The following SYK variants were observed in gnomAD, a reference collection of about 807,000 sequenced individuals.
SYK encodes tyrosine-protein kinase SYK.
In SYK, 16 loss-of-function variants were observed where a neutral mutation model predicts 77.8. The ratio of observed to expected loss-of-function variants is 0.21; its 90% CI spans 0.14 to 0.31. The LOEUF is 0.31. Among genes scored for constraint, SYK ranks in the 10% least tolerant of loss-of-function variants. The pLI is 1.00. For missense variants in SYK, 529 were observed against 814.4 expected (o/e 0.65, Z 4.26); for synonymous variants, 312 against 308.7 (o/e 1.01, Z -0.11).
At chr9:90,865,735 A>G (rs1827459547) in intron 6 of SYK, among the ~76,000 whole-genome samples, 1 of 152,082 alleles carries the variant, frequency 6.6e-6, no homozygotes. Context: ...AAATGGGAAC[A>G]TATTTTTTAA....
intron 7 of SYK, among the ~76,000 whole-genome samples, chr9:90,871,610 G>T (rs1459428256): frequency 1.3e-5 from 2 of 152,164 alleles, no homozygotes; most frequent in Admixed American, 6.5e-5. Context: ...GATGAAGCAT[G>T]GATTTTGCAT....
At chr9:90,867,337 C>T (rs998338519) in intron 7 of SYK, 138 bp downstream of exon 7, 1 of 846,150 alleles carries the variant, frequency 1.2e-6, no homozygotes. Context: ...TTTGCCCTTG[C>T]TCACACCTGC....
chr9:90,841,477 G>A (rs530312298), intron 1 of SYK, among the ~76,000 whole-genome samples: 15 of 62,348 alleles, frequency 2.4e-4, no homozygotes, highest in East Asian at 1.4e-3. Flanking sequence ...TGTGGTGTGC[G>A]TTTAGTGCAT....
chr9:90,824,042 CA>C (rs1358133250), intron 1 of SYK, among the ~76,000 whole-genome samples: 8 of 151,492 alleles, frequency 5.3e-5, no homozygotes, highest in African/African-American at 1.5e-4. Context: ...TGCAATTTAC[CA>C]ATATCAGAAA....
At position 90,811,419 on chromosome 9, in the gene SYK, T is replaced by G. The variant is rs138975409; in HGVS notation, c.-42+9526T>G. Among the ~76,000 whole-genome samples the G allele has an allele frequency of 2.1e-3, 314 of 152,182 alleles. 1 individual carries two copies. Among genetic ancestry groups the G allele is most frequent in the African/African-American group, 7.3e-3 (301 of 41,508 alleles). ...TTAGGAACCTATCACACATATAAAT[T>G]GACAAAAGTGGAGAAATATTCATTG... On this transcript the variant is annotated intron_variant, in intron 1 of 13. Coordinates refer to ENST00000375754, the MANE Select transcript of SYK (RefSeq NM_003177.7).
Position 90,812,776 on chromosome 9 carries a change from TGTGAGAGAGA to T in SYK, c.-42+10885_-42+10894del, listed in dbSNP as rs76060290. Among the ~76,000 whole-genome samples, 833 of 91,498 alleles carry T rather than the reference TGTGAGAGAGA, an allele frequency of 9.1e-3. 9 individuals carry two copies. Among genetic ancestry groups the T allele is most frequent in the South Asian group, 0.016 (35 of 2,212 alleles). 60.0% of individuals were successfully genotyped at this position (91,498 alleles called of 152,430 possible). On this transcript the variant is annotated intron_variant, in intron 1 of 13. Transcript: ENST00000375754. ...GTGTGTGTGTGTGTGTGTGTGTGTG[TGTGAGAGAGA>T]GAGATTGAGAGAGAGAGGGCTCGTG... is the stretch of plus-strand genomic sequence containing the variant.
chr9:90,826,828 G>A (rs1825681480), intron 1 of SYK, among the ~76,000 whole-genome samples: 1 of 152,202 alleles, frequency 6.6e-6, no homozygotes, highest in Admixed American at 6.5e-5. Flanking sequence ...GAGGTGCTCT[G>A]TAAAGTTGCA....
At chr9:90,886,252 C>T (rs1828570161) in intron 11 of SYK, among the ~76,000 whole-genome samples, 1 of 152,128 alleles carries the variant, frequency 6.6e-6, no homozygotes, top group African/African-American at 2.4e-5. Context: ...ATTACAAACA[C>T]AATGAGATAC....
At chr9:90,811,093 A>G (rs1190459075) in intron 1 of SYK, among the ~76,000 whole-genome samples, 5 of 152,362 alleles carry the variant, frequency 3.3e-5, no homozygotes, top group African/African-American at 1.2e-4. Flanking sequence ...ATAATTGTGA[A>G]GAGGCCTGTC....
chr9:90,809,667 A>G (rs181432215), intron 1 of SYK, among the ~76,000 whole-genome samples: 5 of 152,358 alleles, frequency 3.3e-5, no homozygotes, highest in African/African-American at 1.2e-4. Flanking sequence ...AGAAGAGCTG[A>G]AGCTTTTATG....
At chr9:90,841,520 G>A (rs192073656) in intron 1 of SYK, among the ~76,000 whole-genome samples, 25 of 143,198 alleles carry the variant, frequency 1.7e-4, no homozygotes, top group Non-Finnish European at 3.6e-4. Context: ...TGGCATGCAT[G>A]TAGTGGGCAT....
Position 90,895,134 on chromosome 9 carries a change from C to G in SYK, c.1836-394C>G, listed in dbSNP as rs1015864353. The stretch of plus-strand genomic sequence containing the variant: ...CTGCAGAACATTTGCCAAGTATTTT[C>G]AGACACCTGTTTTGCTAAAATCACA... On this transcript the variant is annotated intron_variant, in intron 13 of 13. Coordinates refer to ENST00000375754, the MANE Select transcript of SYK (RefSeq NM_003177.7). This position sits in a 1 kb window ranked among gnomAD's most constrained non-coding sequence, Gnocchi z 4.4. Among the ~76,000 whole-genome samples the G allele has an allele frequency of 1.3e-5, 2 of 152,228 alleles. No individual in the cohort carries two copies. The highest frequency in any genetic ancestry group is 2.9e-5 in the Non-Finnish European group (2 of 68,040).
chr9:90,858,425 G>GA (rs746540746), intron 3 of SYK, among the ~76,000 whole-genome samples: 1 of 152,200 alleles, frequency 6.6e-6, no homozygotes, highest in African/African-American at 2.4e-5. Flanking sequence ...CAATTACTGG[G>GA]AAAAAATATT....
chr9:90,853,178 A>T (rs781154710), intron 3 of SYK, among the ~76,000 whole-genome samples: 2 of 149,852 alleles, frequency 1.3e-5, no homozygotes, highest in Non-Finnish European at 3.0e-5. Context: ...CTACTTGGAT[A>T]GGAGGAGGGA....
intron 3 of SYK, among the ~76,000 whole-genome samples, chr9:90,846,381 G>C (rs967836113): frequency 2.6e-5 from 4 of 152,210 alleles, no homozygotes; most frequent in African/African-American, 9.6e-5. Context: ...CAGCGATGCA[G>C]CCTCATGGTT....
At chr9:90,888,699 A>C in intron 13 of SYK, 72 bp downstream of exon 13, 1 of 1,186,498 alleles carries the variant, frequency 8.4e-7, no homozygotes, top group Non-Finnish European at 1.2e-6. Context: ...GCGTCTAAAA[A>C]AAAGGATAAA....
intron 3 of SYK, among the ~76,000 whole-genome samples, chr9:90,847,898 C>T (rs555543123): frequency 1.1e-4 from 17 of 152,320 alleles, no homozygotes; most frequent in African/African-American, 4.1e-4. Flanking sequence ...GTCAGGGTAT[C>T]TTATGGTGTT....
chr9:90,823,225 T>C (rs1679486569), intron 1 of SYK, among the ~76,000 whole-genome samples: 1 of 152,212 alleles, frequency 6.6e-6, no homozygotes, highest in Admixed American at 6.5e-5. Flanking sequence ...CCTAAATGTG[T>C]ATGTGCATAA....
rs2118970875 is a variant in SYK at position 90,887,756 on chromosome 9, C to T, written c.1589C>T (p.Thr530Ile). 1 of 1,610,352 alleles carries T rather than the reference C, an allele frequency of 6.2e-7. No homozygotes were observed. The highest frequency in any genetic ancestry group is 8.5e-7 in the Non-Finnish European group (1 of 1,178,138). Residue 530 changes from threonine to isoleucine, a missense_variant, in exon 12 of 14, where the codon ACC becomes ATC. Around this residue, in one of 2 missense-constraint regions of SYK, gnomAD observed 208 missense variants for 381.3 expected, o/e 0.55. Coordinates refer to ENST00000375754, the MANE Select transcript of SYK (RefSeq NM_003177.7). ...CCTCTGCTTTGCTTTTAGGCCCAGACCCATGGAAAGTGGCCTGTCAAGTGG... is the reference window on the plus strand; with the variant it reads ...CCTCTGCTTTGCTTTTAGGCCCAGATCCATGGAAAGTGGCCTGTCAAGTGG... ...RADENYYKAQ[T>I]HGKWPVKWYA...
Sources: allele counts gnomAD v4.1 joint callset (sites outside exome capture counted in the v4.1 genomes callset), GRCh38; gene constraint gnomAD v4.1.1; regional missense constraint gnomAD v4.1.1; non-coding constraint Gnocchi (gnomAD v3.1); transcripts MANE v1.5; gene names NCBI Gene and HGNC (gene_info 2026-07-23, HGNC 2026-07-21).